Variants in HS3ST4 observed in about 807,000 individuals in gnomAD.
HS3ST4 encodes the protein heparan sulfate glucosamine 3-O-sulfotransferase 4.
Under a neutral mutation model 29.2 loss-of-function variants are expected in HS3ST4, and 17 were observed. That is an observed-to-expected ratio of 0.58 (90% CI 0.40 to 0.87). The LOEUF is 0.87. HS3ST4 is among the 40% of genes least tolerant of loss of function. The probability of loss-of-function intolerance (pLI) is 0.00; values close to 1 mark genes in which losing one functional copy is unlikely to be tolerated. For missense variants in HS3ST4, 627 were observed against 634.5 expected (o/e 0.99, Z 0.13); for synonymous variants, 314 against 285.7 (o/e 1.10, Z -1.00).
intron 1 of HS3ST4, among the ~76,000 whole-genome samples, chr16:26,073,652 C>T (rs886905514): frequency 2.0e-5 from 3 of 151,258 alleles, no homozygotes; most frequent in Non-Finnish European, 4.4e-5. Context: ...GGATTATAGG[C>T]GTGAGCCACC....
intron 1 of HS3ST4, among the ~76,000 whole-genome samples, chr16:25,741,786 C>T (rs960571090): frequency 6.6e-6 from 1 of 152,084 alleles, no homozygotes; most frequent in South Asian, 2.1e-4. Context: ...TTATCACAAT[C>T]CCTTATACCA....
At chr16:25,858,214 T>C (rs888364572) in intron 1 of HS3ST4, among the ~76,000 whole-genome samples, 2 of 151,976 alleles carry the variant, frequency 1.3e-5, no homozygotes, top group African/African-American at 4.8e-5. Context: ...TGCAGCCTTC[T>C]CTACACTTAT....
chr16:25,820,836 G>GT (rs1967147054), intron 1 of HS3ST4, among the ~76,000 whole-genome samples: 1 of 151,862 alleles, frequency 6.6e-6, no homozygotes, highest in Non-Finnish European at 1.5e-5. Context: ...CTCCCAAAGC[G>GT]TTGAGATTAC....
At chr16:25,983,054 G>A (rs114759259) in intron 1 of HS3ST4, among the ~76,000 whole-genome samples, 1,893 of 152,286 alleles carry the variant, frequency 0.012, 43 homozygotes, top group African/African-American at 0.044. Context: ...AGGGAGATAT[G>A]TGATGTCCAA....
Position 26,002,811 on chromosome 16 carries a change from GA to G in HS3ST4, c.735-132795del, listed in dbSNP as rs560311190. ...AAAGAAAAAGAAAGAAGGAAAGAAA[GA>G]AAAAAGAAAGAAAGAAAATGTAGAT... On this transcript the variant is annotated intron_variant, in intron 1 of 1. Coordinates refer to ENST00000331351, the MANE Select transcript of HS3ST4 (RefSeq NM_006040.3). 6.6e-3 allele frequency among the ~76,000 whole-genome samples: 988 copies of G among 150,632 alleles called. 10 individuals are homozygous for G. Among genetic ancestry groups the G allele is most frequent in the African/African-American group, 0.023 (931 of 41,002 alleles).
intron 1 of HS3ST4, among the ~76,000 whole-genome samples, chr16:26,082,548 A>G (rs1310113324): frequency 6.6e-6 from 1 of 152,136 alleles, no homozygotes; most frequent in East Asian, 1.9e-4. Context: ...AAATAATATT[A>G]TGGTAGACAT....
At position 26,124,946 on chromosome 16, in the gene HS3ST4, C is replaced by T. The variant is rs147258730; in HGVS notation, c.735-10666C>T. On this transcript the variant is annotated intron_variant, in intron 1 of 1. Coordinates refer to ENST00000331351, the MANE Select transcript of HS3ST4 (RefSeq NM_006040.3). ...ATTTGTCTTTTCTTATGTCTCTGGA[C>T]ATAAAGTTTGAGGAACTTGCCCCAT... is the stretch of plus-strand genomic sequence containing the variant. Among the ~76,000 whole-genome samples the T allele has an allele frequency of 5.6e-4, 85 of 152,366 alleles. No homozygotes were observed. The East Asian group carries it at 0.016, about 29-fold the overall frequency.
rs576612376 is a variant in HS3ST4 at position 26,092,043 on chromosome 16, C to T, written c.735-43569C>T. Among the ~76,000 whole-genome samples the T allele has an allele frequency of 1.3e-4, 20 of 152,034 alleles. No individual in the cohort carries two copies. The South Asian group carries it at 4.2e-3, about 32-fold the overall frequency. ...TGAAATTTGGAAATGCCGAGCTGAG[C>T]CCATGGTGACAATTTACATTCTCCT... On this transcript the variant is annotated intron_variant, in intron 1 of 1. Coordinates refer to ENST00000331351, the MANE Select transcript of HS3ST4 (RefSeq NM_006040.3).
chr16:25,943,231 A>C (rs932630747), intron 1 of HS3ST4, among the ~76,000 whole-genome samples: 8 of 152,196 alleles, frequency 5.3e-5, no homozygotes, highest in African/African-American at 1.9e-4. Flanking sequence ...GGAAATATAT[A>C]TGGAGGACAT....
rs377420764 is a variant in HS3ST4, at chr16:26,006,446, G to A, written c.735-129166G>A. Among the ~76,000 whole-genome samples the A allele has an allele frequency of 5.3e-5, 8 of 151,960 alleles. No individual in the cohort carries two copies. In the East Asian group the frequency reaches 1.4e-3, roughly 26 times the overall value. On this transcript the variant is annotated intron_variant, in intron 1 of 1. Transcript: ENST00000331351. Reference sequence around the variant, plus strand: ...AAGGGTTCATTTTTCCTGCTGCCCAGATAGAGCCAATTTATCAAGACAGGG... The same window carrying A: ...AAGGGTTCATTTTTCCTGCTGCCCAAATAGAGCCAATTTATCAAGACAGGG...
chr16:26,075,873 CTTAG>C (rs1031887723), intron 1 of HS3ST4, among the ~76,000 whole-genome samples: 51 of 152,288 alleles, frequency 3.3e-4, no homozygotes, highest in Admixed American at 1.3e-3. Context: ...ATACCTTAAA[CTTAG>C]TTAGTCTCAG....
At chr16:25,858,336 T>G (rs1967605115) in intron 1 of HS3ST4, among the ~76,000 whole-genome samples, 1 of 152,192 alleles carries the variant, frequency 6.6e-6, no homozygotes, top group Non-Finnish European at 1.5e-5. Context: ...TACACATGCA[T>G]GTACTCTGCT....
At chr16:26,067,508 C>T (rs1028244257) in intron 1 of HS3ST4, among the ~76,000 whole-genome samples, 2 of 152,120 alleles carry the variant, frequency 1.3e-5, no homozygotes, top group African/African-American at 4.8e-5. Flanking sequence ...CACCACCCCC[C>T]ACCCCAGCCA....
At chr16:25,771,268 C>T (rs970633647) in intron 1 of HS3ST4, among the ~76,000 whole-genome samples, 2 of 152,100 alleles carry the variant, frequency 1.3e-5, no homozygotes, top group African/African-American at 4.8e-5. Flanking sequence ...GTGTGAGTTT[C>T]AACAGCCAGG....
chr16:26,024,606 C>G (rs950079062), intron 1 of HS3ST4, among the ~76,000 whole-genome samples: 3 of 152,096 alleles, frequency 2.0e-5, no homozygotes, highest in African/African-American at 7.2e-5. Context: ...GTGGTAGGTG[C>G]CTGTAATCCC....
chr16:25,838,348 C>G (rs1352756276), intron 1 of HS3ST4, among the ~76,000 whole-genome samples: 2 of 152,150 alleles, frequency 1.3e-5, no homozygotes, highest in African/African-American at 4.8e-5. Flanking sequence ...TGCATGCTCT[C>G]TCTCTCTTTC....
At chr16:26,012,307 A>G (rs1969318073) in intron 1 of HS3ST4, among the ~76,000 whole-genome samples, 1 of 152,236 alleles carries the variant, frequency 6.6e-6, no homozygotes, top group Non-Finnish European at 1.5e-5. Flanking sequence ...ATGCAATAAT[A>G]TCAAAAAGAA....
At chr16:26,105,387 T>G (rs1448440398) in intron 1 of HS3ST4, among the ~76,000 whole-genome samples, 4 of 152,124 alleles carry the variant, frequency 2.6e-5, no homozygotes, top group Non-Finnish European at 5.9e-5. Context: ...AAACTAAAAT[T>G]GAATACTATG....
intron 1 of HS3ST4, among the ~76,000 whole-genome samples, chr16:25,946,870 T>C (rs541438674): frequency 6.7e-4 from 102 of 152,124 alleles, no homozygotes; most frequent in African/African-American, 2.3e-3. Flanking sequence ...AAAAGTCTTG[T>C]GGCAAAAAAG....
Sources: allele counts gnomAD v4.1 joint callset (sites outside exome capture counted in the v4.1 genomes callset), GRCh38; gene constraint gnomAD v4.1.1; transcripts MANE v1.5; gene names NCBI Gene and HGNC (gene_info 2026-07-23, HGNC 2026-07-21).